Variants in ENTPD1 observed in about 807,000 individuals in gnomAD.
The protein encoded by ENTPD1 is ATP diphosphohydrolase.
In ENTPD1, 33 loss-of-function variants were observed where a neutral mutation model predicts 57.0. The observed-to-expected ratio is 0.58, with a 90% CI of 0.44 to 0.77. The LOEUF (loss-of-function observed/expected upper bound fraction) is 0.77, where lower values mean the gene tolerates loss of function less well. Among genes scored for constraint, ENTPD1 ranks in the 30% least tolerant of loss-of-function variants. The pLI is 0.00. For missense variants in ENTPD1, 501 were observed against 603.4 expected (o/e 0.83, Z 1.78); for synonymous variants, 202 against 218.8 (o/e 0.92, Z 0.68).
At chr10:95,826,117 G>A (rs913271234) in intron 2 of ENTPD1, among the ~76,000 whole-genome samples, 3 of 151,732 alleles carry the variant, frequency 2.0e-5, no homozygotes, top group African/African-American at 4.9e-5. Context: ...TTACCATCTG[G>A]GGAAGCAAAC....
At chr10:95,811,315 G>A (rs2140447657) in intron 1 of ENTPD1, among the ~76,000 whole-genome samples, 1 of 152,290 alleles carries the variant, frequency 6.6e-6, no homozygotes, top group East Asian at 1.9e-4. Context: ...GTGAGTGGCT[G>A]ACAGGGTGCT....
At position 95,823,260 on chromosome 10, in the gene ENTPD1, T is replaced by G; in HGVS notation, c.40T>G (p.Ser14Ala). Residue 14 changes from serine to alanine, a missense_variant, in exon 2 of 10, where the codon TCC becomes GCC. Physicochemically the swap from Ser to Ala is moderately conservative, Grantham distance 99. Transcript: ENST00000371205. Reference sequence around the variant, plus strand: ...AGAGTCTAACGTGAAGACATTTTGCTCCAAGAATATCCTAGCCATCCTTGG... The same window carrying G: ...AGAGTCTAACGTGAAGACATTTTGCGCCAAGAATATCCTAGCCATCCTTGG... ...TKESNVKTFC[S>A]KNILAILGFS... The G allele has an allele frequency of 6.2e-7, 1 of 1,614,188 alleles. No homozygotes were observed. The highest frequency in any genetic ancestry group is 8.5e-7 in the Non-Finnish European group (1 of 1,180,004).
At position 95,871,314 on chromosome 10, in the gene ENTPD1, T is replaced by C. The variant is rs909421476; in HGVS notation, c.*4931T>C. On this transcript the variant is annotated 3_prime_UTR_variant, in exon 10 of 10. Transcript: ENST00000371205. ...ATCTGTTTATCTCACCAAAGAAATA[T>C]TATCTTTAAAAAATGTCATTACTTC... 15 of 984,976 alleles carry C rather than the reference T, an allele frequency of 1.5e-5. No individual in the cohort carries two copies. The African/African-American group carries it at 2.6e-4, about 17-fold the overall frequency. 61.0% of individuals were successfully genotyped at this position (984,976 alleles called of 1,614,324 possible).
At chr10:95,719,403 T>A (rs984977205) in intron 1 of ENTPD1, among the ~76,000 whole-genome samples, 1 of 152,186 alleles carries the variant, frequency 6.6e-6, no homozygotes, top group African/African-American at 2.4e-5. Context: ...CCTTAATTAG[T>A]GTATATAATA....
At chr10:95,820,624 C>T (rs749813341) in intron 1 of ENTPD1, among the ~76,000 whole-genome samples, 58 of 152,198 alleles carry the variant, frequency 3.8e-4, no homozygotes, top group Admixed American at 7.2e-4. Flanking sequence ...TCAAATGTCA[C>T]CTTCAAGGTC....
intron 4 of ENTPD1, chr10:95,843,386 GATA>G (rs951550768): frequency 1.4e-4 from 21 of 152,312 alleles, no homozygotes; most frequent in African/African-American, 4.1e-4. Flanking sequence ...AAATAATAAT[GATA>G]ATAATAGTAG....
intron 2 of ENTPD1, among the ~76,000 whole-genome samples, chr10:95,825,925 C>A (rs961538156): frequency 6.6e-6 from 1 of 152,216 alleles, no homozygotes; most frequent in East Asian, 1.9e-4. Context: ...TATGACCATA[C>A]TTCATTCAGC....
At chr10:95,786,846 G>A (rs2098181894) in intron 1 of ENTPD1, among the ~76,000 whole-genome samples, 2 of 152,176 alleles carry the variant, frequency 1.3e-5, no homozygotes, top group Admixed American at 1.3e-4. Flanking sequence ...TACAAATGGA[G>A]TTGTGGCCTT....
At chr10:95,852,851 A>T (rs1463118820) in intron 7 of ENTPD1, among the ~76,000 whole-genome samples, 1 of 152,148 alleles carries the variant, frequency 6.6e-6, no homozygotes, top group Non-Finnish European at 1.5e-5. Flanking sequence ...GTATAGTTTG[A>T]AGTCAGGTAG....
At chr10:95,811,711 T>C (rs2098308832) in intron 1 of ENTPD1, among the ~76,000 whole-genome samples, 1 of 152,206 alleles carries the variant, frequency 6.6e-6, no homozygotes, top group Non-Finnish European at 1.5e-5. Context: ...CATAATGAAA[T>C]GTTTTGAAGA....
chr10:95,731,921 T>C (rs1304180656), intron 1 of ENTPD1, among the ~76,000 whole-genome samples: 1 of 151,584 alleles, frequency 6.6e-6, no homozygotes, highest in Admixed American at 6.6e-5. Context: ...TACCTGCGAT[T>C]ACAGGCACCT....
intron 1 of ENTPD1, among the ~76,000 whole-genome samples, chr10:95,785,929 G>A (rs2098177910): frequency 6.6e-6 from 1 of 152,226 alleles, no homozygotes; most frequent in Non-Finnish European, 1.5e-5. Flanking sequence ...AAATGGGGAA[G>A]AGGATGATTG....
rs527327544 is a variant in ENTPD1 at position 95,746,703 on chromosome 10, C to T, written c.37+34710C>T. Among the ~76,000 whole-genome samples, 241 of 152,270 alleles carry T rather than the reference C, an allele frequency of 1.6e-3. 3 individuals carry two copies. Among genetic ancestry groups the T allele is most frequent in the Admixed American group, 4.1e-3 (63 of 15,300 alleles). On this transcript the variant is annotated intron_variant, in intron 1 of 9. Transcript: ENST00000453258. ...CTCTTGGAACACTTTCAGATCCATC[C>T]CTTTTTCTCTGCTCCTCCTACCCTG...
chr10:95,866,738 G>A lies in ENTPD1; in HGVS notation c.*355G>A. ...CTGAGAGTCTTGAGTCCTGTGATAGGAGGCTGAGCTGGCTGAAAGAAGAAT... is the reference window on the plus strand; with the variant it reads ...CTGAGAGTCTTGAGTCCTGTGATAGAAGGCTGAGCTGGCTGAAAGAAGAAT... On this transcript the variant is annotated 3_prime_UTR_variant, in exon 10 of 10. Transcript: ENST00000371205. 1 of 1,143,270 alleles carries A rather than the reference G, an allele frequency of 8.7e-7. No individual in the cohort carries two copies. Among genetic ancestry groups the A allele is most frequent in the Non-Finnish European group, 1.1e-6 (1 of 921,774 alleles). 70.8% of individuals were successfully genotyped at this position (1,143,270 alleles called of 1,614,324 possible). A position where few individuals can be genotyped will look rare whatever the true frequency, so the allele number is the denominator to read the frequency against.
chr10:95,720,483 C>T (rs2097976267), intron 1 of ENTPD1, among the ~76,000 whole-genome samples: 1 of 152,184 alleles, frequency 6.6e-6, no homozygotes, highest in African/African-American at 2.4e-5. Flanking sequence ...TGTCCTAGGA[C>T]CCCTCGGATA....
chr10:95,805,932 T>C (rs2098270289), intron 1 of ENTPD1, among the ~76,000 whole-genome samples: 1 of 152,240 alleles, frequency 6.6e-6, no homozygotes, highest in African/African-American at 2.4e-5. Flanking sequence ...CATTTTTTCC[T>C]TCATTTCAAC....
Position 95,838,918 on chromosome 10 carries a change from TTCC to T in ENTPD1, c.145-768_145-766del, listed in dbSNP as rs1190951260. Among the ~76,000 whole-genome samples, 14 of 152,294 alleles carry T rather than the reference TTCC, an allele frequency of 9.2e-5. No homozygotes were observed. In the East Asian group the frequency reaches 1.3e-3, roughly 15 times the overall value. On this transcript the variant is annotated intron_variant, in intron 2 of 9. Coordinates refer to ENST00000371205, the MANE Select transcript of ENTPD1 (RefSeq NM_001776.6). The stretch of plus-strand genomic sequence containing the variant: ...CCTTCTTCTCCTCTGCTGACTTTCT[TTCC>T]TCCTTTTTTTCTTCTTTTCATCTCC...
intron 1 of ENTPD1, among the ~76,000 whole-genome samples, chr10:95,775,626 G>A (rs1435213290): frequency 6.6e-6 from 1 of 152,074 alleles, no homozygotes; most frequent in Non-Finnish European, 1.5e-5. Flanking sequence ...GTTGATTTGG[G>A]TGGAGAGTTC....
intron 7 of ENTPD1, among the ~76,000 whole-genome samples, chr10:95,858,628 T>C (rs1282600341): frequency 6.6e-6 from 1 of 152,114 alleles, no homozygotes; most frequent in African/African-American, 2.4e-5. Flanking sequence ...CACGATCTTT[T>C]TCTGCACCTG....
Sources: gnomAD v4.1 joint callset for allele counts (sites outside exome capture counted in the v4.1 genomes callset) on GRCh38, gnomAD v4.1.1 for gene constraint, MANE v1.5 for transcripts, NCBI Gene and HGNC (gene_info 2026-07-23, HGNC 2026-07-21) for gene names.